RBMS3: variants seen among roughly 807,000 people sequenced by gnomAD.
RBMS3 encodes the protein RNA binding motif single stranded interacting protein 3.
A neutral mutation model predicts 66.8 loss-of-function variants in RBMS3; 27 were observed. The observed-to-expected ratio is 0.40, with a 90% CI of 0.30 to 0.56. The LOEUF (loss-of-function observed/expected upper bound fraction) is 0.56. Among genes scored for constraint, RBMS3 ranks in the 20% least tolerant of loss-of-function variants. RBMS3 has a pLI of 0.40. For synonymous variants in RBMS3, 188 were observed against 183.0 expected, an observed-to-expected ratio of 1.03 and a Z score of -0.22; for missense variants, 513 against 549.5, an observed-to-expected ratio of 0.93 and a Z score of 0.66.
intron 12 of RBMS3, among the ~76,000 whole-genome samples, chr3:29,951,958 G>T (rs183788074): frequency 6.6e-6 from 1 of 151,876 alleles, no homozygotes; most frequent in African/African-American, 2.4e-5. Flanking sequence ...ATTATCATAT[G>T]TGTTTTCAAT....
intron 4 of RBMS3, among the ~76,000 whole-genome samples, chr3:29,691,918 T>G (rs1033060070): frequency 2.0e-5 from 3 of 147,494 alleles, no homozygotes; most frequent in Non-Finnish European, 1.5e-5. Flanking sequence ...TAAATCTTAT[T>G]TATGTGTGAC....
At chr3:29,351,133 T>G (rs1440492943) in intron 1 of RBMS3, among the ~76,000 whole-genome samples, 1 of 152,152 alleles carries the variant, frequency 6.6e-6, no homozygotes, top group Admixed American at 6.6e-5. Flanking sequence ...CTCATTCTTT[T>G]TAATAGCAAC....
At chr3:29,852,547 A>G (rs2058961673) in intron 6 of RBMS3, among the ~76,000 whole-genome samples, 1 of 152,226 alleles carries the variant, frequency 6.6e-6, no homozygotes, top group African/African-American at 2.4e-5. Flanking sequence ...AGCCAATTCA[A>G]ACATATGAAA....
At chr3:29,660,619 A>G (rs1360644061) in intron 4 of RBMS3, among the ~76,000 whole-genome samples, 1 of 150,220 alleles carries the variant, frequency 6.7e-6, no homozygotes, top group African/African-American at 2.5e-5. Flanking sequence ...GTTTTTTTTT[A>G]TCTCTTCCTT....
At chr3:29,662,132 G>C (rs544728211) in intron 4 of RBMS3, among the ~76,000 whole-genome samples, 8 of 152,252 alleles carry the variant, frequency 5.3e-5, no homozygotes, top group Middle Eastern at 3.4e-3. Context: ...ATAGGGGATT[G>C]TTCTGTTAAA....
chr3:29,595,323 C>T (rs1012030908), intron 4 of RBMS3, among the ~76,000 whole-genome samples: 5 of 149,626 alleles, frequency 3.3e-5, no homozygotes, highest in Admixed American at 2.0e-4. Context: ...CACTTCAACC[C>T]GGGAGGTGGA....
At position 29,485,574 on chromosome 3, in the gene RBMS3, G is replaced by A. The variant is rs9822763; in HGVS notation, c.249-2867G>A. ...TGCTGTATTAGGGAGTTCCTACTTTGGCTAGAGAAGGCCCACATAGAAAGA... is the reference window on the plus strand; with the variant it reads ...TGCTGTATTAGGGAGTTCCTACTTTAGCTAGAGAAGGCCCACATAGAAAGA... On this transcript the variant is annotated intron_variant, in intron 2 of 14. Transcript: ENST00000383767. 9.7e-3 allele frequency among the ~76,000 whole-genome samples: 1,473 copies of A among 152,176 alleles called. 21 individuals carry two copies. The highest frequency in any genetic ancestry group is 0.03 in the African/African-American group (1,254 of 41,560).
At chr3:29,959,938 G>A (rs760390649) in intron 12 of RBMS3, among the ~76,000 whole-genome samples, 1 of 152,032 alleles carries the variant, frequency 6.6e-6, no homozygotes. Context: ...AGATTTGGGT[G>A]GGGACATACC....
At chr3:29,530,135 C>A (rs929132613) in intron 3 of RBMS3, among the ~76,000 whole-genome samples, 2 of 152,186 alleles carry the variant, frequency 1.3e-5, no homozygotes, top group African/African-American at 2.4e-5. Flanking sequence ...TACCCCAATA[C>A]TCATCTAAGC....
intron 12 of RBMS3, among the ~76,000 whole-genome samples, chr3:29,977,777 T>C (rs1184479996): frequency 2.0e-5 from 3 of 150,268 alleles, no homozygotes; most frequent in African/African-American, 5.0e-5. Flanking sequence ...GGAAATATTG[T>C]ATGGATTAAT....
At chr3:29,300,973 T>G (rs1227169074) in intron 1 of RBMS3, among the ~76,000 whole-genome samples, 1 of 151,960 alleles carries the variant, frequency 6.6e-6, no homozygotes, top group Non-Finnish European at 1.5e-5. Flanking sequence ...ACAAAACATG[T>G]GGGACCAGAG....
chr3:29,901,215 T>A (rs2060244910), intron 10 of RBMS3, among the ~76,000 whole-genome samples: 1 of 151,896 alleles, frequency 6.6e-6, no homozygotes, highest in South Asian at 2.1e-4. Context: ...AAATTCAGTT[T>A]GTGCTGCCAA....
At chr3:29,779,425 T>C (rs553668914) in intron 6 of RBMS3, among the ~76,000 whole-genome samples, 9 of 151,738 alleles carry the variant, frequency 5.9e-5, no homozygotes, top group African/African-American at 2.2e-4. Flanking sequence ...ATAGTATCCT[T>C]TCTTTGAATG....
intron 3 of RBMS3, among the ~76,000 whole-genome samples, chr3:29,508,336 T>C (rs997949080): frequency 6.6e-6 from 1 of 152,190 alleles, no homozygotes; most frequent in African/African-American, 2.4e-5. Flanking sequence ...TTTCTCCTAA[T>C]GCTATACCTC....
Position 29,575,574 on chromosome 3 carries a change from C to A in RBMS3, c.308-11540C>A, listed in dbSNP as rs144988236. On this transcript the variant is annotated intron_variant, in intron 3 of 14. Transcript: ENST00000383767. Reference sequence around the variant, plus strand: ...TTTGGGAAGTTCTCTGATATTGTCCCTTTGCATAAACTTTCTACACATAAC... The same window carrying A: ...TTTGGGAAGTTCTCTGATATTGTCCATTTGCATAAACTTTCTACACATAAC... 5.7e-3 allele frequency among the ~76,000 whole-genome samples: 874 copies of A among 152,116 alleles called. 10 individuals carry two copies. The highest frequency in any genetic ancestry group is 0.02 in the African/African-American group (838 of 41,510).
At chr3:29,577,549 G>A (rs1251864322) in intron 3 of RBMS3, among the ~76,000 whole-genome samples, 1 of 152,164 alleles carries the variant, frequency 6.6e-6, no homozygotes, top group African/African-American at 2.4e-5. Flanking sequence ...AGAGCACTTT[G>A]GCCTGTGATG....
chr3:29,943,066 A>G (rs941271314), intron 11 of RBMS3, among the ~76,000 whole-genome samples: 2 of 151,902 alleles, frequency 1.3e-5, no homozygotes, highest in East Asian at 1.9e-4. Flanking sequence ...GCAATGTTCA[A>G]GTTCTAATCT....
chr3:29,749,714 G>A (rs2055087419), intron 5 of RBMS3, among the ~76,000 whole-genome samples: 1 of 152,110 alleles, frequency 6.6e-6, no homozygotes, highest in Non-Finnish European at 1.5e-5. Context: ...ATGTAAAAAT[G>A]TATCATGCCA....
intron 3 of RBMS3, among the ~76,000 whole-genome samples, chr3:29,511,373 G>C (rs1326604603): frequency 6.6e-6 from 1 of 152,170 alleles, no homozygotes; most frequent in Non-Finnish European, 1.5e-5. Flanking sequence ...ATTTAACAGT[G>C]ATCCTAATAA....
Sources: allele counts gnomAD v4.1 joint callset (sites outside exome capture counted in the v4.1 genomes callset), GRCh38; gene constraint gnomAD v4.1.1; transcripts MANE v1.5; gene names NCBI Gene and HGNC (gene_info 2026-07-23, HGNC 2026-07-21).